The following ATP11A variants were observed in gnomAD, a reference collection of about 807,000 sequenced individuals.
ATP11A encodes the protein phospholipid-transporting ATPase IH.
Under a neutral mutation model 154.4 loss-of-function variants are expected in ATP11A, and 81 were observed. The ratio of observed to expected loss-of-function variants is 0.52; its 90% CI spans 0.44 to 0.63. The LOEUF (loss-of-function observed/expected upper bound fraction) is 0.63, where lower values mean the gene tolerates loss of function less well. Ranked by LOEUF, ATP11A falls within the 30% of genes least tolerant of loss-of-function variation. The pLI, the probability that ATP11A is intolerant of heterozygous loss-of-function variation, is 0.00. For missense variants in ATP11A, 1,316 were observed against 1,474.3 expected (o/e 0.89, Z 1.76); for synonymous variants, 623 against 585.9 (o/e 1.06, Z -0.91).
chr13:112,759,161 G>C (rs1417443513), intron 1 of ATP11A, among the ~76,000 whole-genome samples: 1 of 152,106 alleles, frequency 6.6e-6, no homozygotes, highest in Admixed American at 6.5e-5. Flanking sequence ...AGAAACATTC[G>C]TGCCTGCAAG....
chr13:112,828,290 A>C (rs2078994536), intron 12 of ATP11A, among the ~76,000 whole-genome samples: 2 of 134,594 alleles, frequency 1.5e-5, no homozygotes. Flanking sequence ...AGTAGGGGGG[A>C]AAGTACCCAG....
intron 25 of ATP11A, among the ~76,000 whole-genome samples, chr13:112,871,499 C>T (rs1193196045): frequency 6.6e-6 from 1 of 152,142 alleles, no homozygotes; most frequent in Non-Finnish European, 1.5e-5. Flanking sequence ...AGCCCATCAC[C>T]AAGCCACAGA....
At chr13:112,858,046 A>G in intron 21 of ATP11A, 99 bp from the exon 22 acceptor site, 2 of 1,571,518 alleles carry the variant, frequency 1.3e-6, no homozygotes, top group South Asian at 2.3e-5. Context: ...GTGACCGGGA[A>G]GGCTCATGAT....
rs749456290 is a variant in ATP11A, at chr13:112,859,365, G to A, written c.2668-28G>A. The A allele has an allele frequency of 1.8e-5, 29 of 1,608,924 alleles. No homozygotes were observed. Among genetic ancestry groups the A allele is most frequent in the South Asian group, 1.1e-4 (10 of 90,960 alleles). On this transcript the variant is annotated intron_variant, in intron 22 of 29. Transcript: ENST00000375645. This position sits in a 1 kb window ranked among gnomAD's most constrained non-coding sequence, Gnocchi z 4.3. Reference sequence around the variant, plus strand: ...GGCTGCCTCCCTCTGTCCCGTCACCGAACTAACAGTTATGCCTTGCCTTTC... The same window carrying A: ...GGCTGCCTCCCTCTGTCCCGTCACCAAACTAACAGTTATGCCTTGCCTTTC...
At chr13:112,716,307 C>G (rs1241455275) in intron 1 of ATP11A, among the ~76,000 whole-genome samples, 2 of 152,248 alleles carry the variant, frequency 1.3e-5, no homozygotes, top group South Asian at 2.1e-4. Flanking sequence ...CTGGTGAGCT[C>G]TGCTCCGACA....
intron 1 of ATP11A, among the ~76,000 whole-genome samples, chr13:112,774,498 T>C (rs1452644157): frequency 6.6e-6 from 1 of 152,216 alleles, no homozygotes; most frequent in African/African-American, 2.4e-5. Flanking sequence ...TCAGGGACTC[T>C]CAGGGGAGGG....
intron 1 of ATP11A, among the ~76,000 whole-genome samples, chr13:112,718,775 A>G (rs1888805923): frequency 6.7e-6 from 1 of 149,566 alleles, no homozygotes; most frequent in South Asian, 2.1e-4. Context: ...GGTTCAAGGG[A>G]TTCTCTTGCC....
chr13:112,708,737 C>CGT (rs1887426982), intron 1 of ATP11A, among the ~76,000 whole-genome samples: 1 of 152,210 alleles, frequency 6.6e-6, no homozygotes, highest in Non-Finnish European at 1.5e-5. Flanking sequence ...ACGTGGGCTG[C>CGT]GTGTGGCCCT....
chr13:112,842,615 C>T (rs763651521), intron 17 of ATP11A, among the ~76,000 whole-genome samples: 7 of 152,246 alleles, frequency 4.6e-5, no homozygotes, highest in Non-Finnish European at 1.0e-4. Flanking sequence ...CATCTCCTCC[C>T]CAGCCTTGCA....
rs116921375 is a variant in ATP11A at position 112,771,947 on chromosome 13, G to T, written c.40-13188G>T. Among the ~76,000 whole-genome samples the T allele has an allele frequency of 6.0e-4, 91 of 152,326 alleles. No homozygotes were observed. The East Asian group carries it at 0.017, about 29-fold the overall frequency. The stretch of plus-strand genomic sequence containing the variant: ...AGCCCTGGGCTGGGCGGGGTGGTCC[G>T]TGGTCTTACGAGGAGGACTCAGGTG... On this transcript the variant is annotated intron_variant, in intron 1 of 29. Coordinates refer to ENST00000375645, the MANE Select transcript of ATP11A (RefSeq NM_015205.3).
Position 112,690,425 on chromosome 13 carries a change from C to T in ATP11A, c.9C>T (p.Cys3=). Residue 3 remains cysteine, a synonymous_variant, in exon 1 of 30, where the codon TGC becomes TGT. Coordinates refer to ENST00000375645, the MANE Select transcript of ATP11A (RefSeq NM_015205.3). This position sits in a 1 kb window ranked among gnomAD's most constrained non-coding sequence, Gnocchi z 5.6. The part of the protein sequence containing the change: MD[C]SLVRTLVHRY... ...GAGCGGCCGGAGGAGCCATGGACTG[C>T]AGCCTCGTGCGGACGCTCGTGCACA... is the stretch of plus-strand genomic sequence containing the variant. 2 of 1,341,274 alleles carry T rather than the reference C, an allele frequency of 1.5e-6. No homozygotes were observed. Among genetic ancestry groups the T allele is most frequent in the Non-Finnish European group, 1.9e-6 (2 of 1,044,130 alleles). 83.1% of individuals were successfully genotyped at this position (1,341,274 alleles called of 1,614,324 possible). A position where few individuals can be genotyped will look rare whatever the true frequency, so the allele number is the denominator to read the frequency against.
intron 19 of ATP11A, 98 bp from the exon 20 acceptor site, chr13:112,855,813 G>A (rs1202234018): frequency 2.6e-6 from 3 of 1,134,604 alleles, no homozygotes; most frequent in Non-Finnish European, 3.7e-6. Flanking sequence ...TTAATCCCAT[G>A]GATTTGTAGC....
At position 112,758,749 on chromosome 13, in the gene ATP11A, C is replaced by G. The variant is rs181948685; in HGVS notation, c.40-26386C>G. On this transcript the variant is annotated intron_variant, in intron 1 of 29. Coordinates refer to ENST00000375645, the MANE Select transcript of ATP11A (RefSeq NM_015205.3). Reference sequence around the variant, plus strand: ...ACATTTCTTAAATCTATCTTGCTAGCTCCTCTCGCACTTGAAATCAAATAC... The same window carrying G: ...ACATTTCTTAAATCTATCTTGCTAGGTCCTCTCGCACTTGAAATCAAATAC... Among the ~76,000 whole-genome samples, 192 of 152,322 alleles carry G rather than the reference C, an allele frequency of 1.3e-3. No individual in the cohort carries two copies. In the East Asian group the frequency reaches 0.013, roughly 10 times the overall value.
At chr13:112,725,158 T>C (rs906275643) in intron 1 of ATP11A, among the ~76,000 whole-genome samples, 1 of 152,152 alleles carries the variant, frequency 6.6e-6, no homozygotes, top group African/African-American at 2.4e-5. Flanking sequence ...CAAGAGACAC[T>C]GCAAACCCCC....
Position 112,753,413 on chromosome 13 carries a change from G to A in ATP11A, c.40-31722G>A, listed in dbSNP as rs1025150963. The stretch of plus-strand genomic sequence containing the variant: ...GTTTGCGGTTTGCTCTGTCAGTGCC[G>A]TAGGAGGATGCCTGTTCTCCACCTA... On this transcript the variant is annotated intron_variant, in intron 1 of 29. Coordinates refer to ENST00000375645, the MANE Select transcript of ATP11A (RefSeq NM_015205.3). The surrounding 1 kb of genome is among the most constrained non-coding windows in gnomAD (Gnocchi z 4.1). Among the ~76,000 whole-genome samples the A allele has an allele frequency of 2.6e-5, 4 of 152,210 alleles. No homozygotes were observed. Among genetic ancestry groups the A allele is most frequent in the African/African-American group, 7.2e-5 (3 of 41,464 alleles).
At chr13:112,733,054 T>G (rs1890653571) in intron 1 of ATP11A, among the ~76,000 whole-genome samples, 2 of 152,256 alleles carry the variant, frequency 1.3e-5, no homozygotes, top group Non-Finnish European at 2.9e-5. Context: ...TCTGTACATG[T>G]TTTTGTTCTA....
Position 112,753,393 on chromosome 13 carries a change from C to T in ATP11A, c.40-31742C>T, listed in dbSNP as rs991894788. ...ATTTCTGAGAAGGGGGGTACGTTTG[C>T]GGTTTGCTCTGTCAGTGCCGTAGGA... On this transcript the variant is annotated intron_variant, in intron 1 of 29. Coordinates refer to ENST00000375645, the MANE Select transcript of ATP11A (RefSeq NM_015205.3). The surrounding 1 kb of genome is among the most constrained non-coding windows in gnomAD (Gnocchi z 4.1). 3.9e-5 allele frequency among the ~76,000 whole-genome samples: 6 copies of T among 152,176 alleles called. No individual in the cohort carries two copies. The highest frequency in any genetic ancestry group is 3.3e-4 in the Admixed American group (5 of 15,270).
chr13:112,803,581 C>T (rs2078195365), intron 2 of ATP11A, among the ~76,000 whole-genome samples: 1 of 132,884 alleles, frequency 7.5e-6, no homozygotes. Context: ...TTCGTGACAT[C>T]TGGGACGTTG....
Position 112,798,657 on chromosome 13 carries a change from T to A in ATP11A, c.163-6300T>A, listed in dbSNP as rs558710387. On this transcript the variant is annotated intron_variant, in intron 2 of 29. Coordinates refer to ENST00000375645, the MANE Select transcript of ATP11A (RefSeq NM_015205.3). ...TAGTGCAACCACTAAGTAATTTTTT[T>A]AAAAAATAAGTATAGTTGATATTCT... 5.0e-4 allele frequency among the ~76,000 whole-genome samples: 76 copies of A among 152,258 alleles called. 3 individuals are homozygous for A. Among genetic ancestry groups the A allele is most frequent in the African/African-American group, 1.6e-3 (66 of 41,536 alleles).
Sources: allele counts gnomAD v4.1 joint callset (sites outside exome capture counted in the v4.1 genomes callset), GRCh38; gene constraint gnomAD v4.1.1; non-coding constraint Gnocchi (gnomAD v3.1); transcripts MANE v1.5; gene names NCBI Gene and HGNC (gene_info 2026-07-23, HGNC 2026-07-21).